GTF2E2: variants seen among roughly 807,000 people sequenced by gnomAD.
The protein encoded by GTF2E2 is transcription initiation factor IIE subunit beta.
Under a neutral mutation model 40.5 loss-of-function variants are expected in GTF2E2, and 21 were observed. The ratio of observed to expected loss-of-function variants is 0.52; its 90% confidence interval spans 0.37 to 0.75. The LOEUF is 0.75. Ranked by LOEUF, GTF2E2 falls within the 30% of genes least tolerant of loss-of-function variation. GTF2E2 has a pLI of 0.00. For missense variants in GTF2E2, 298 were observed against 338.4 expected, an observed-to-expected ratio of 0.88 and a Z score of 0.94; for synonymous variants, 117 against 121.6, an observed-to-expected ratio of 0.96 and a Z score of 0.25.
intron 1 of GTF2E2, among the ~76,000 whole-genome samples, chr8:30,656,512 T>A (rs1158741493): frequency 2.0e-5 from 3 of 152,268 alleles, no homozygotes; most frequent in Admixed American, 6.5e-5. Flanking sequence ...AAAATTACTC[T>A]AAAAGATTTA....
chr8:30,604,896 TAGATAAA>T (rs932494762), intron 6 of GTF2E2, among the ~76,000 whole-genome samples: 2 of 152,032 alleles, frequency 1.3e-5, no homozygotes, highest in African/African-American at 4.8e-5. Context: ...TAAGGAAGTA[TAGATAAA>T]AGATACACAA....
chr8:30,614,153 A>G (rs1211933779), intron 4 of GTF2E2, among the ~76,000 whole-genome samples: 1 of 152,256 alleles, frequency 6.6e-6, no homozygotes, highest in Non-Finnish European at 1.5e-5. Flanking sequence ...TACCTTTAAC[A>G]TTTTGAAACA....
chr8:30,638,956 G>C (rs569904430), intron 2 of GTF2E2, among the ~76,000 whole-genome samples: 239 of 152,176 alleles, frequency 1.6e-3, no homozygotes, highest in Non-Finnish European at 3.0e-3. Flanking sequence ...CATTTTCTCT[G>C]AGCGATTTCA....
intron 6 of GTF2E2, among the ~76,000 whole-genome samples, chr8:30,601,059 T>C (rs1829165941): frequency 6.6e-6 from 1 of 152,230 alleles, no homozygotes; most frequent in Non-Finnish European, 1.5e-5. Context: ...AAACTTGTTT[T>C]GTTTTGTTTT....
intron 3 of GTF2E2, among the ~76,000 whole-genome samples, chr8:30,629,294 G>A (rs1350730013): frequency 1.3e-5 from 2 of 152,134 alleles, no homozygotes; most frequent in Non-Finnish European, 2.9e-5. Flanking sequence ...AATGTCTATG[G>A]ACTCCAGAGT....
chr8:30,578,866 G>T lies in GTF2E2; in HGVS notation c.*55C>A. 1.1e-6 allele frequency: 1 copy of T among 893,362 alleles called. No individual in the cohort carries two copies. Among genetic ancestry groups the T allele is most frequent in the Non-Finnish European group, 1.9e-6 (1 of 522,956 alleles). The allele number at this position is 893,362 out of a possible 1,614,324, so 55.3% of individuals were successfully genotyped here. On this transcript the variant is annotated 3_prime_UTR_variant, in exon 8 of 8. Coordinates refer to ENST00000355904, the MANE Select transcript of GTF2E2 (RefSeq NM_002095.6). ...GACAGTCTTCAGACCCCGAGCATCA[G>T]CAAGAACACTCTTGATTGTGTATCT...
rs1198093186 is a variant in GTF2E2 at position 30,612,437 on chromosome 8, A to G, written c.411T>C (p.Tyr137=). The G allele has an allele frequency of 6.2e-7, 1 of 1,612,762 alleles. No individual in the cohort carries two copies. Among genetic ancestry groups the G allele is most frequent in the South Asian group, 1.1e-5 (1 of 91,030 alleles). ...NPKIEVIDGK[Y]AFKPKYNVRD... is the part of the protein sequence containing the mutation. ...TCACGTTGTACTTGGGCTTGAAAGCATACTTCCCATCTATTACTTCAATTT... is the reference window on the plus strand; with the variant it reads ...TCACGTTGTACTTGGGCTTGAAAGCGTACTTCCCATCTATTACTTCAATTT... The change falls in exon 5 of 8, where the codon TAT becomes TAC. Residue 137 remains tyrosine, a synonymous_variant. Coordinates refer to ENST00000355904, the MANE Select transcript of GTF2E2 (RefSeq NM_002095.6).
rs116159063 is a variant in GTF2E2, at chr8:30,595,138, A to G, written c.643+11919T>C. Among the ~76,000 whole-genome samples, 805 of 152,284 alleles carry G rather than the reference A, an allele frequency of 5.3e-3. 11 individuals are homozygous for G. The highest frequency in any genetic ancestry group is 0.019 in the African/African-American group (781 of 41,550). On this transcript the variant is annotated intron_variant, in intron 6 of 7. Transcript: ENST00000355904. Reference sequence around the variant, plus strand: ...TGTTTTTAGTGGTTGACCTAGGTTTACAACATACATATTTAATTAATCAGA... The same window carrying G: ...TGTTTTTAGTGGTTGACCTAGGTTTGCAACATACATATTTAATTAATCAGA...
At chr8:30,638,069 G>A (rs2978265) in intron 2 of GTF2E2, among the ~76,000 whole-genome samples, 6,390 of 152,248 alleles carry the variant, frequency 0.042, 201 homozygotes, top group African/African-American at 0.086. Flanking sequence ...CTTCCAACTT[G>A]CAGAGCTAAA....
chr8:30,590,107 C>G (rs1303907476), intron 6 of GTF2E2, among the ~76,000 whole-genome samples: 1 of 152,172 alleles, frequency 6.6e-6, no homozygotes, highest in Non-Finnish European at 1.5e-5. Flanking sequence ...TCTGCAGTCA[C>G]TCTCTCCACG....
At chr8:30,581,751 G>A (rs934238826) in intron 6 of GTF2E2, among the ~76,000 whole-genome samples, 1 of 152,004 alleles carries the variant, frequency 6.6e-6, no homozygotes. Context: ...TGATTGTCTC[G>A]GCCTCTCTAA....
At chr8:30,596,095 A>G (rs1486498588) in intron 6 of GTF2E2, among the ~76,000 whole-genome samples, 3 of 152,168 alleles carry the variant, frequency 2.0e-5, no homozygotes, top group Non-Finnish European at 4.4e-5. Flanking sequence ...TGCAATTTGA[A>G]TATGATATGC....
intron 1 of GTF2E2, among the ~76,000 whole-genome samples, chr8:30,657,232 G>A (rs1802476749): frequency 6.6e-6 from 1 of 152,120 alleles, no homozygotes; most frequent in Non-Finnish European, 1.5e-5. Flanking sequence ...GAGTAAACAG[G>A]CTACATCACC....
chr8:30,618,820 A>G (rs1382363892), intron 3 of GTF2E2, among the ~76,000 whole-genome samples: 5 of 152,198 alleles, frequency 3.3e-5, no homozygotes, highest in Admixed American at 2.6e-4. Flanking sequence ...CATGCCATGG[A>G]AAGAGCATTT....
Position 30,580,301 on chromosome 8 carries a change from C to T in GTF2E2, c.739G>A (p.Glu247Lys). 6.2e-7 allele frequency: 1 copy of T among 1,602,880 alleles called. No individual in the cohort carries two copies. Among genetic ancestry groups the T allele is most frequent in the Non-Finnish European group, 8.5e-7 (1 of 1,169,700 alleles). The change falls in exon 7 of 8, where the codon GAA (glutamate) becomes AAA (lysine). Residue 247 changes from glutamate to lysine, a missense_variant. Coordinates refer to ENST00000355904, the MANE Select transcript of GTF2E2 (RefSeq NM_002095.6). ...LKRQGISSMQ[E>K]SGPKKVAPIQ... The stretch of plus-strand genomic sequence containing the variant: ...CGCACCACTTTCTTTGGTCCAGATT[C>T]CTGCATGGAAGAAATACCCTGTCGC...
intron 2 of GTF2E2, among the ~76,000 whole-genome samples, chr8:30,640,432 C>CA (rs1433084816): frequency 1.3e-5 from 2 of 152,012 alleles, no homozygotes; most frequent in South Asian, 2.1e-4. Context: ...GTAAACATAT[C>CA]AAATGGGAGT....
intron 6 of GTF2E2, among the ~76,000 whole-genome samples, chr8:30,591,763 T>G (rs767142203): frequency 6.6e-6 from 1 of 152,150 alleles, no homozygotes; most frequent in African/African-American, 2.4e-5. Flanking sequence ...ATGTAGCAAT[T>G]CTACTCCTAG....
intron 6 of GTF2E2, among the ~76,000 whole-genome samples, chr8:30,586,086 A>G (rs1828674138): frequency 6.6e-6 from 1 of 152,152 alleles, no homozygotes. Flanking sequence ...TAAAACAACA[A>G]CAACAACAAA....
intron 6 of GTF2E2, among the ~76,000 whole-genome samples, chr8:30,599,090 A>G (rs779286286): frequency 2.6e-5 from 4 of 152,264 alleles, no homozygotes; most frequent in Non-Finnish European, 5.9e-5. Context: ...TTATGAGGAC[A>G]TGAAGAAATA....
Sources: allele counts gnomAD v4.1 joint callset (sites outside exome capture counted in the v4.1 genomes callset), GRCh38; gene constraint gnomAD v4.1.1; transcripts MANE v1.5; gene names NCBI Gene and HGNC (gene_info 2026-07-23, HGNC 2026-07-21).